GABRA2: variants seen among roughly 807,000 people sequenced by gnomAD.
GABRA2 encodes the protein gamma-aminobutyric acid type A receptor subunit alpha2.
GABRA2 carries 16 observed loss-of-function variants against 48.7 expected under a neutral mutation model. The observed-to-expected ratio is 0.33, with a 90% CI of 0.22 to 0.50. The LOEUF is 0.50. Ranked by LOEUF, GABRA2 falls within the 20% of genes least tolerant of loss-of-function variation. The pLI, the probability that GABRA2 is intolerant of heterozygous loss-of-function variation, is 0.98. For missense variants in GABRA2, 275 were observed against 535.6 expected (o/e 0.51, Z 4.80); for synonymous variants, 185 against 184.5 (o/e 1.00, Z -0.02).
At chr4:46,362,429 T>C (rs1713357267) in intron 3 of GABRA2, among the ~76,000 whole-genome samples, 1 of 152,186 alleles carries the variant, frequency 6.6e-6, no homozygotes, top group African/African-American at 2.4e-5. Context: ...ATTAAACCTC[T>C]TTCTTTTGTG....
At chr4:46,276,311 G>A (rs539928507) in intron 8 of GABRA2, among the ~76,000 whole-genome samples, 2 of 151,932 alleles carry the variant, frequency 1.3e-5, no homozygotes, top group Non-Finnish European at 2.9e-5. Context: ...CCTAGACATG[G>A]GTTAACTAGG....
chr4:46,317,216 G>T (rs1433741528), intron 4 of GABRA2, among the ~76,000 whole-genome samples: 1 of 151,748 alleles, frequency 6.6e-6, no homozygotes, highest in African/African-American at 2.4e-5. Flanking sequence ...CAGGGAAGCA[G>T]GTTGGTTATA....
At chr4:46,260,610 T>A (rs1410285707) in intron 9 of GABRA2, among the ~76,000 whole-genome samples, 1 of 151,846 alleles carries the variant, frequency 6.6e-6, no homozygotes, top group Non-Finnish European at 1.5e-5. Flanking sequence ...CTCCAAAAAA[T>A]TAGTATAAAG....
intron 3 of GABRA2, chr4:46,369,149 C>A: frequency 1.8e-6 from 1 of 567,552 alleles, no homozygotes. Flanking sequence ...CAGCACAGTA[C>A]TTCCTGGTCA....
At chr4:46,334,946 G>A (rs1731957497) in intron 3 of GABRA2, among the ~76,000 whole-genome samples, 1 of 152,152 alleles carries the variant, frequency 6.6e-6, no homozygotes, top group Non-Finnish European at 1.5e-5. Flanking sequence ...TCTTAACAAT[G>A]AGTTTTTTGG....
intron 3 of GABRA2, among the ~76,000 whole-genome samples, chr4:46,338,014 T>C (rs1364706063): frequency 6.6e-6 from 1 of 152,016 alleles, no homozygotes; most frequent in African/African-American, 2.4e-5. Context: ...AAATCCTTTC[T>C]GTAAATGATT....
chr4:46,302,128 G>T (rs1725851255), intron 8 of GABRA2, among the ~76,000 whole-genome samples: 1 of 151,714 alleles, frequency 6.6e-6, no homozygotes, highest in African/African-American at 2.4e-5. Context: ...GAGTGCAACG[G>T]CATGATCATA....
In GABRA2 at chr4:46,246,065, G is replaced by C. The variant is rs1161022193; in HGVS notation, c.*4243C>G. 6.6e-6 allele frequency among the ~76,000 whole-genome samples: 1 copy of C among 150,866 alleles called. No individual in the cohort carries two copies. The highest frequency in any genetic ancestry group is 2.4e-5 in the African/African-American group (1 of 41,298). On this transcript the variant is annotated 3_prime_UTR_variant, in exon 10 of 10. Transcript: ENST00000381620. ...TTACCTTCCCAAATGACTTTCACAT[G>C]AACTTTCTCTACTTTAGTATTTTAG... is the stretch of plus-strand genomic sequence containing the variant.
intron 3 of GABRA2, among the ~76,000 whole-genome samples, chr4:46,363,200 G>C (rs1276200353): frequency 6.6e-6 from 1 of 152,092 alleles, no homozygotes; most frequent in Admixed American, 6.6e-5. Context: ...TTGAATGTAG[G>C]GAATAAGTGA....
chr4:46,366,308 A>G (rs1036037368), intron 3 of GABRA2: 2 of 152,148 alleles, frequency 1.3e-5, no homozygotes, highest in Non-Finnish European at 2.9e-5. Context: ...TGACCAAGAA[A>G]TGCAATAATA....
intron 3 of GABRA2, among the ~76,000 whole-genome samples, chr4:46,338,783 A>C (rs535769929): frequency 1.9e-4 from 29 of 151,968 alleles, no homozygotes; most frequent in Non-Finnish European, 3.4e-4. Flanking sequence ...ATTATTTTCT[A>C]TGGCTAATGT....
chr4:46,329,503 A>G (rs974877160), intron 4 of GABRA2, among the ~76,000 whole-genome samples: 5 of 152,118 alleles, frequency 3.3e-5, no homozygotes, highest in Non-Finnish European at 7.4e-5. Context: ...ACGTTCCTGT[A>G]GCAGCAGTAT....
chr4:46,318,762 A>G lies in GABRA2; in HGVS notation c.256-6046T>C, dbSNP rs1438345810. The stretch of plus-strand genomic sequence containing the variant: ...GCAGTGGAGAATACACATACAACTA[A>G]AGTGCAAATTTAATAAGAAACAAAC... On this transcript the variant is annotated intron_variant, in intron 4 of 9. Coordinates refer to ENST00000381620, the MANE Select transcript of GABRA2 (RefSeq NM_000807.4). Among the ~76,000 whole-genome samples, 3 of 151,680 alleles carry G rather than the reference A, an allele frequency of 2.0e-5. No homozygotes were observed. The Admixed American group carries it at 2.0e-4, about 10-fold the overall frequency.
intron 8 of GABRA2, among the ~76,000 whole-genome samples, chr4:46,283,330 G>A (rs1293486136): frequency 6.6e-6 from 1 of 152,048 alleles, no homozygotes; most frequent in African/African-American, 2.4e-5. Flanking sequence ...AATGACTGGA[G>A]TATCAACAGC....
chr4:46,297,910 C>T (rs897722004), intron 8 of GABRA2, among the ~76,000 whole-genome samples: 32 of 152,042 alleles, frequency 2.1e-4, no homozygotes, highest in Middle Eastern at 3.4e-3. Flanking sequence ...CACTGCATCT[C>T]GTAAGTTTTG....
At chr4:46,305,492 A>C in intron 7 of GABRA2, 76 bp downstream of exon 7, 7 of 1,363,088 alleles carry the variant, frequency 5.1e-6, no homozygotes, top group Non-Finnish European at 7.1e-6. Context: ...ATTTTAAGCA[A>C]TCTGACACAC....
chr4:46,251,861 A>G (rs139478278), intron 9 of GABRA2, among the ~76,000 whole-genome samples: 15 of 151,640 alleles, frequency 9.9e-5, no homozygotes, highest in African/African-American at 3.6e-4. Flanking sequence ...AGTTAGCCAC[A>G]TAATACATCA....
At chr4:46,335,458 C>G (rs1276400203) in intron 3 of GABRA2, among the ~76,000 whole-genome samples, 1 of 151,978 alleles carries the variant, frequency 6.6e-6, no homozygotes, top group East Asian at 1.9e-4. Flanking sequence ...ACTCTTCAGT[C>G]TTGATCACTC....
intron 8 of GABRA2, among the ~76,000 whole-genome samples, chr4:46,277,598 G>T (rs1340963119): frequency 1.3e-5 from 2 of 152,164 alleles, no homozygotes; most frequent in Non-Finnish European, 2.9e-5. Flanking sequence ...AGCTGGAGCT[G>T]TACTCATGTG....
Sources: gnomAD v4.1 joint callset for allele counts (sites outside exome capture counted in the v4.1 genomes callset) on GRCh38, gnomAD v4.1.1 for gene constraint, MANE v1.5 for transcripts, NCBI Gene and HGNC (gene_info 2026-07-23, HGNC 2026-07-21) for gene names.